CARS2: variants seen among roughly 807,000 people sequenced by gnomAD.
CARS2 encodes the protein probable cysteine--tRNA ligase, mitochondrial.
A neutral mutation model predicts 68.8 loss-of-function variants in CARS2; 52 were observed. The observed-to-expected ratio is 0.76, with a 90% CI of 0.61 to 0.95. CARS2 has a LOEUF of 0.95. CARS2 is among the 40% of genes least tolerant of loss of function. The probability of loss-of-function intolerance (pLI) is 0.00; values close to 1 mark genes in which losing one functional copy is unlikely to be tolerated. For synonymous variants in CARS2, 314 were observed against 303.6 expected (o/e 1.03, Z -0.36); for missense variants, 780 against 754.2 (o/e 1.03, Z -0.40).
intron 12 of CARS2, chr13:110,644,947 C>A (rs572315793): frequency 1.7e-4 from 28 of 162,472 alleles, no homozygotes; most frequent in Non-Finnish European, 3.0e-4. Flanking sequence ...AGGACAAAAG[C>A]CAGCCTCTTT....
At chr13:110,660,049 C>T (rs1009572677) in intron 9 of CARS2, among the ~76,000 whole-genome samples, 1 of 152,348 alleles carries the variant, frequency 6.6e-6, no homozygotes. Context: ...AGTCTAAATC[C>T]TTTGTTGTCA....
intron 1 of CARS2, chr13:110,712,802 C>T (rs1594448174): frequency 2.6e-6 from 2 of 769,786 alleles, no homozygotes; most frequent in East Asian, 2.7e-5. Context: ...GCCCCTCGGG[C>T]CTATCCACCT....
At chr13:110,641,643 ACAC>A in intron 14 of CARS2, 35 bp from the exon 15 acceptor site, 6 of 1,532,018 alleles carry the variant, frequency 3.9e-6, no homozygotes, top group East Asian at 2.2e-5. Context: ...CTCTGAGCAG[ACAC>A]CACGTCATGT....
rs373960867 is a variant in CARS2, at chr13:110,687,710, A to G, written c.571+11T>C. 88 of 1,530,530 alleles carry G rather than the reference A, an allele frequency of 5.7e-5. No individual in the cohort carries two copies. The African/African-American group carries it at 1.1e-3, about 20-fold the overall frequency. 94.8% of individuals were successfully genotyped at this position (1,530,530 alleles called of 1,614,324 possible). ...AAAAAAAGAAAAAAAAAAAAAGAACATAAACCCTACCTTTTGCCGTTGAAT... is the reference window on the plus strand; with the variant it reads ...AAAAAAAGAAAAAAAAAAAAAGAACGTAAACCCTACCTTTTGCCGTTGAAT... On this transcript the variant is annotated intron_variant, in intron 5 of 14. Transcript: ENST00000257347.
rs1332863436 is a variant in CARS2, at chr13:110,706,106, C to A, written c.-13G>T. On this transcript the variant is annotated 5_prime_UTR_variant, in exon 1 of 15. Transcript: ENST00000257347. Reference sequence around the variant, plus strand: ...TAGTCCTCAACATGTCAGCGGCCAGCGCCTACGACTGGGCGGAGACGGGAG... The same window carrying A: ...TAGTCCTCAACATGTCAGCGGCCAGAGCCTACGACTGGGCGGAGACGGGAG... The A allele has an allele frequency of 3.8e-6, 5 of 1,303,090 alleles. No homozygotes were observed. The highest frequency in any genetic ancestry group is 4.0e-5 in the Admixed American group (1 of 25,046). 80.7% of individuals were successfully genotyped at this position (1,303,090 alleles called of 1,614,324 possible).
At chr13:110,707,593 G>A (rs1253732240), upstream of CARS2, 2 of 151,396 alleles carry the variant, frequency 1.3e-5, no homozygotes, top group African/African-American at 4.9e-5. Flanking sequence ...CTCACAGTGA[G>A]CTGAGGTCAC....
chr13:110,652,032 C>T (rs940515171), intron 9 of CARS2, among the ~76,000 whole-genome samples: 42 of 152,338 alleles, frequency 2.8e-4, no homozygotes, highest in African/African-American at 8.9e-4. Flanking sequence ...CACATGGTGC[C>T]GGCTCTGACC....
chr13:110,660,848 G>A (rs796147032), intron 9 of CARS2, among the ~76,000 whole-genome samples: 11 of 143,588 alleles, frequency 7.7e-5, no homozygotes, highest in East Asian at 2.1e-4. Flanking sequence ...TGCAACCTCC[G>A]CCTCCCAGGT....
rs564110674 is a variant in CARS2, at chr13:110,676,094, C to T, written c.785+880G>A. ...GCTTGAACCTGGGAGGCGGAGGTTG[C>T]GGTGAGCCGAGATCGCACCATTGCA... On this transcript the variant is annotated intron_variant, in intron 7 of 14. Coordinates refer to ENST00000257347, the MANE Select transcript of CARS2 (RefSeq NM_024537.4). This position sits in a 1 kb window ranked among gnomAD's most constrained non-coding sequence, Gnocchi z 4.0. 2.0e-5 allele frequency among the ~76,000 whole-genome samples: 3 copies of T among 152,312 alleles called. No homozygotes were observed. Among genetic ancestry groups the T allele is most frequent in the South Asian group, 2.1e-4 (1 of 4,826 alleles).
intron 9 of CARS2, among the ~76,000 whole-genome samples, chr13:110,662,106 C>A (rs1320967371): frequency 6.6e-6 from 1 of 152,262 alleles, no homozygotes; most frequent in Non-Finnish European, 1.5e-5. Context: ...AAAGACACAG[C>A]ATCTGCGAAG....
At chr13:110,642,577 C>CA (rs1261370866) in intron 13 of CARS2, 56 bp from the exon 14 acceptor site, 1 of 1,539,768 alleles carries the variant, frequency 6.5e-7, no homozygotes, top group Admixed American at 1.7e-5. Context: ...GTGGATGCCC[C>CA]CTCCCCACCC....
At chr13:110,699,958 G>A (rs928696548) in intron 3 of CARS2, among the ~76,000 whole-genome samples, 7 of 152,150 alleles carry the variant, frequency 4.6e-5, no homozygotes, top group African/African-American at 1.7e-4. Context: ...CTCCAGTGGG[G>A]CCCTCAGCCT....
At position 110,642,369 on chromosome 13, in the gene CARS2, C is replaced by T. The variant is rs1272672701; in HGVS notation, c.1569G>A (p.Leu523=). The T allele has an allele frequency of 1.3e-6, 2 of 1,558,314 alleles. No homozygotes were observed. The highest frequency in any genetic ancestry group is 1.7e-6 in the Non-Finnish European group (2 of 1,150,798). The part of the protein sequence containing the change: ...RQQLLERQPL[L]EACDTLRRGL... ...CCCGGCGCAGGGTGTCGCATGCTTC[C>T]AGCAGGGGCTGCCTTTCTAGGAGCT... Residue 523 remains leucine, a synonymous_variant, in exon 14 of 15, where the codon CTG becomes CTA. Coordinates refer to ENST00000257347, the MANE Select transcript of CARS2 (RefSeq NM_024537.4).
chr13:110,644,549 C>CA, intron 12 of CARS2, 66 bp from the exon 13 acceptor site: 1 of 1,597,812 alleles, frequency 6.3e-7, no homozygotes, highest in South Asian at 1.1e-5. Context: ...AAACGGAATT[C>CA]AATGTCAAAA....
At chr13:110,656,847 G>A (rs2062382897) in intron 9 of CARS2, among the ~76,000 whole-genome samples, 1 of 151,440 alleles carries the variant, frequency 6.6e-6, no homozygotes, top group African/African-American at 2.4e-5. Context: ...TTGTGCCACT[G>A]CACTCCAGCC....
rs111951654 is a variant in CARS2, at chr13:110,670,957, G to C, written c.786-3484C>G. Among the ~76,000 whole-genome samples, 1 of 152,060 alleles carries C rather than the reference G, an allele frequency of 6.6e-6. No individual in the cohort carries two copies. Among genetic ancestry groups the C allele is most frequent in the African/African-American group, 2.4e-5 (1 of 41,386 alleles). On this transcript the variant is annotated intron_variant, in intron 7 of 14. Coordinates refer to ENST00000257347, the MANE Select transcript of CARS2 (RefSeq NM_024537.4). The surrounding 1 kb of genome is among the most constrained non-coding windows in gnomAD (Gnocchi z 4.1). ...GCCGATTTGATCAAGTGGAAGAAAGGGTATCAGTGATTGAAGATCAAATGA... is the reference window on the plus strand; with the variant it reads ...GCCGATTTGATCAAGTGGAAGAAAGCGTATCAGTGATTGAAGATCAAATGA...
In CARS2 at chr13:110,658,551, C is replaced by T. The variant is rs911219948; in HGVS notation, c.987+4900G>A. ...CATTAAAAAAAACCCTAAAAAGACA[C>T]AACATACAAATGCAACATATGAACC... On this transcript the variant is annotated intron_variant, in intron 9 of 14. Coordinates refer to ENST00000257347, the MANE Select transcript of CARS2 (RefSeq NM_024537.4). 3.3e-5 allele frequency among the ~76,000 whole-genome samples: 5 copies of T among 152,174 alleles called. No homozygotes were observed. In the South Asian group the frequency reaches 8.3e-4, roughly 25 times the overall value.
intron 3 of CARS2, among the ~76,000 whole-genome samples, chr13:110,698,702 C>T (rs138401805): frequency 1.3e-5 from 2 of 151,654 alleles, no homozygotes; most frequent in Non-Finnish European, 1.5e-5. Flanking sequence ...GGGCTTCATG[C>T]CTTCTTAAAA....
upstream of CARS2, among the ~76,000 whole-genome samples, chr13:110,711,039 C>T (rs910556654): frequency 3.9e-5 from 6 of 151,958 alleles, no homozygotes; most frequent in Non-Finnish European, 8.8e-5. Context: ...ACTATTCATT[C>T]TAGAGCCAAT....
Sources: allele counts gnomAD v4.1 joint callset (sites outside exome capture counted in the v4.1 genomes callset), GRCh38; gene constraint gnomAD v4.1.1; non-coding constraint Gnocchi (gnomAD v3.1); transcripts MANE v1.5; gene names NCBI Gene and HGNC (gene_info 2026-07-23, HGNC 2026-07-21).